RAD17: variants seen among roughly 807,000 people sequenced by gnomAD.
RAD17 encodes the protein RAD17 checkpoint clamp loader component, also known as cell cycle checkpoint protein RAD17.
In RAD17, 31 loss-of-function variants were observed where a neutral mutation model predicts 81.5. That is an observed-to-expected ratio of 0.38 (90% confidence interval 0.29 to 0.51). The LOEUF is 0.51. Among genes scored for constraint, RAD17 ranks in the 20% least tolerant of loss-of-function variants. The pLI is 0.88. For synonymous variants in RAD17, 261 were observed against 266.2 expected (o/e 0.98, Z 0.19); for missense variants, 681 against 781.2 (o/e 0.87, Z 1.53).
rs376552875 is a variant in RAD17, at chr5:69,372,161, A to G, written c.-48A>G. The G allele has an allele frequency of 1.1e-5, 17 of 1,593,568 alleles. No homozygotes were observed. Among genetic ancestry groups the G allele is most frequent in the Non-Finnish European group, 1.5e-5 (17 of 1,167,422 alleles). ...TTCATACTCTCAAAAATATAGAGGAAAGGGGCCAAGATTATAGTACCAGTC... is the reference window on the plus strand; with the variant it reads ...TTCATACTCTCAAAAATATAGAGGAGAGGGGCCAAGATTATAGTACCAGTC... On this transcript the variant is annotated 5_prime_UTR_variant, in exon 4 of 19. Transcript: ENST00000354868.
chr5:69,399,594 A>C (rs991971955), intron 16 of RAD17, among the ~76,000 whole-genome samples: 1 of 152,208 alleles, frequency 6.6e-6, no homozygotes, highest in Non-Finnish European at 1.5e-5. Flanking sequence ...TATAGCATAT[A>C]TATTAATTTT....
intron 6 of RAD17, among the ~76,000 whole-genome samples, chr5:69,375,357 G>A (rs1763269886): frequency 6.6e-6 from 1 of 152,068 alleles, no homozygotes; most frequent in South Asian, 2.1e-4. Context: ...ACTAAATATA[G>A]CCAAAAACAG....
intron 17 of RAD17, among the ~76,000 whole-genome samples, chr5:69,400,828 G>A (rs1765220695): frequency 6.6e-6 from 1 of 151,958 alleles, no homozygotes; most frequent in African/African-American, 2.4e-5. Context: ...CAGCTACTCG[G>A]GAGGCTGAGG....
At chr5:69,391,754 A>G in intron 12 of RAD17, 77 bp from the exon 13 acceptor site, 12 of 1,088,644 alleles carry the variant, frequency 1.1e-5, no homozygotes, top group Non-Finnish European at 1.4e-5. Flanking sequence ...TATTTAGTGT[A>G]ACTATATCTG....
At chr5:69,381,563 A>G (rs1181698330) in intron 6 of RAD17, among the ~76,000 whole-genome samples, 1 of 152,182 alleles carries the variant, frequency 6.6e-6, no homozygotes, top group Non-Finnish European at 1.5e-5. Context: ...AATTTAGCCA[A>G]AGTTTAGTAT....
Position 69,404,566 on chromosome 5 carries a change from G to A in RAD17, c.1693+4397G>A, listed in dbSNP as rs148156116. On this transcript the variant is annotated intron_variant, in intron 17 of 18. Coordinates refer to ENST00000354868, the MANE Select transcript of RAD17 (RefSeq NM_133338.3). ...GTGGATCGCCTGAGGTCAGGAGATCGAGACCAGCCTGGCCAACATGGCAAA... is the reference window on the plus strand; with the variant it reads ...GTGGATCGCCTGAGGTCAGGAGATCAAGACCAGCCTGGCCAACATGGCAAA... 7.0e-3 allele frequency among the ~76,000 whole-genome samples: 1,066 copies of A among 152,154 alleles called. 5 individuals carry two copies. Among genetic ancestry groups the A allele is most frequent in the African/African-American group, 0.023 (947 of 41,508 alleles).
At chr5:69,369,743 G>A, upstream of RAD17, 2 of 1,532,084 alleles carry the variant, frequency 1.3e-6, no homozygotes, top group South Asian at 2.4e-5. Context: ...TGCGCTGGAT[G>A]CCTAAGTCAC....
chr5:69,377,535 A>G lies in RAD17; in HGVS notation c.351+2824A>G, dbSNP rs1346261981. On this transcript the variant is annotated intron_variant, in intron 6 of 18. Coordinates refer to ENST00000354868, the MANE Select transcript of RAD17 (RefSeq NM_133338.3). ...TATATACGTATATATATGTGTATAT[A>G]TACGTATATATATGCATATATATGT... Among the ~76,000 whole-genome samples the G allele has an allele frequency of 9.9e-5, 6 of 60,600 alleles. 2 individuals carry two copies. Among genetic ancestry groups the G allele is most frequent in the Admixed American group, 3.9e-4 (2 of 5,110 alleles). The allele number at this position is 60,600 out of a possible 152,430, so 39.8% of individuals were successfully genotyped here.
At chr5:69,407,565 T>G (rs1224168204) in intron 17 of RAD17, among the ~76,000 whole-genome samples, 82 of 74,392 alleles carry the variant, frequency 1.1e-3, no homozygotes, top group Non-Finnish European at 1.7e-3. Context: ...TGTCCAAGTT[T>G]TTTTTTTTTT....
chr5:69,386,590 G>A (rs1764228800), intron 11 of RAD17, 125 bp downstream of exon 11: 2 of 1,134,774 alleles, frequency 1.8e-6, no homozygotes, highest in Admixed American at 8.2e-5. Flanking sequence ...ATACTCATAA[G>A]GCATGTCATT....
rs545752266 is a variant in RAD17, at chr5:69,404,188, A to G, written c.1693+4019A>G. Reference sequence around the variant, plus strand: ...CTGGGATCACATCTCTAAGCTGTTCATATCAAAGAGCTATTTTTTAAAGAT... The same window carrying G: ...CTGGGATCACATCTCTAAGCTGTTCGTATCAAAGAGCTATTTTTTAAAGAT... On this transcript the variant is annotated intron_variant, in intron 17 of 18. Transcript: ENST00000354868. 4.6e-5 allele frequency among the ~76,000 whole-genome samples: 7 copies of G among 152,290 alleles called. No homozygotes were observed. In the South Asian group the frequency reaches 8.3e-4, roughly 18 times the overall value.
intron 7 of RAD17, among the ~76,000 whole-genome samples, chr5:69,383,108 A>G (rs1763956885): frequency 6.6e-6 from 1 of 152,128 alleles, no homozygotes; most frequent in South Asian, 2.1e-4. Flanking sequence ...AAGATGTAAT[A>G]CGTTATAAGT....
At chr5:69,378,882 T>C (rs1042943425) in intron 6 of RAD17, among the ~76,000 whole-genome samples, 2 of 152,238 alleles carry the variant, frequency 1.3e-5, no homozygotes, top group African/African-American at 4.8e-5. Flanking sequence ...TTGAATACTG[T>C]AGGCAATTAT....
intron 6 of RAD17, 69 bp from the exon 7 acceptor site, chr5:69,381,830 GAA>G (rs1373770173): frequency 7.1e-6 from 8 of 1,128,978 alleles, no homozygotes; most frequent in Non-Finnish European, 9.9e-6. Context: ...TATTTAGAAT[GAA>G]AAGTCAGAAA....
intron 6 of RAD17, among the ~76,000 whole-genome samples, chr5:69,376,806 T>G (rs1763362894): frequency 6.6e-6 from 1 of 151,740 alleles, no homozygotes; most frequent in Non-Finnish European, 1.5e-5. Flanking sequence ...CAGGCTAGAG[T>G]GCAGTGGCAT....
At chr5:69,399,569 A>G (rs1765122243) in intron 16 of RAD17, among the ~76,000 whole-genome samples, 1 of 152,122 alleles carries the variant, frequency 6.6e-6, no homozygotes, top group Non-Finnish European at 1.5e-5. Flanking sequence ...TATCTCATTG[A>G]CTTGCTTTGT....
Position 69,373,685 on chromosome 5 carries a change from AATTTTT to A in RAD17, c.10-144_10-139del, listed in dbSNP as rs1257165418. 75 of 380,016 alleles carry A rather than the reference AATTTTT, an allele frequency of 2.0e-4. 2 individuals are homozygous for A. The highest frequency in any genetic ancestry group is 2.8e-4 in the South Asian group (8 of 28,318). The allele number at this position is 380,016 out of a possible 1,614,324, so 23.5% of individuals were successfully genotyped here. A position where few individuals can be genotyped will look rare whatever the true frequency, so the allele number is the denominator to read the frequency against. ...ACAGAGTGAGACCCGGTCTCAAAAAAATTTTTTTTTTTTTTTTTTTTTTTTTTTTTT... is the reference window on the plus strand; with the variant it reads ...ACAGAGTGAGACCCGGTCTCAAAAAATTTTTTTTTTTTTTTTTTTTTTTTT... On this transcript the variant is annotated intron_variant, in intron 4 of 18. Coordinates refer to ENST00000354868, the MANE Select transcript of RAD17 (RefSeq NM_133338.3).
intron 11 of RAD17, among the ~76,000 whole-genome samples, chr5:69,388,789 G>A (rs1203087049): frequency 2.0e-5 from 3 of 151,754 alleles, no homozygotes; most frequent in South Asian, 4.2e-4. Context: ...TTGATTTTTT[G>A]TAGAGATAAG....
At chr5:69,391,229 CA>C (rs34553672) in intron 12 of RAD17, among the ~76,000 whole-genome samples, 47,897 of 110,040 alleles carry the variant, frequency 0.44, 8,633 homozygotes, top group Middle Eastern at 0.52. Context: ...GACTCCATCT[CA>C]AAAAAAAAAA....
Sources: gnomAD v4.1 joint callset for allele counts (sites outside exome capture counted in the v4.1 genomes callset) on GRCh38, gnomAD v4.1.1 for gene constraint, MANE v1.5 for transcripts, NCBI Gene and HGNC (gene_info 2026-07-23, HGNC 2026-07-21) for gene names.